The following PPP2R5C variants were observed in gnomAD, a reference collection of about 807,000 sequenced individuals.
PPP2R5C encodes the protein protein phosphatase 2 regulatory subunit B'gamma.
In PPP2R5C, 7 loss-of-function variants were observed where a neutral mutation model predicts 68.9. The observed-to-expected ratio is 0.10, with a 90% CI of 0.06 to 0.19. The LOEUF is 0.19. Ranked by LOEUF, PPP2R5C falls within the 10% of genes least tolerant of loss-of-function variation. The pLI is 1.00. For synonymous variants in PPP2R5C, 210 were observed against 222.2 expected, an observed-to-expected ratio of 0.95 and a Z score of 0.49; for missense variants, 348 against 641.3, an observed-to-expected ratio of 0.54 and a Z score of 4.94.
Position 101,916,626 on chromosome 14 carries a change from T to G in PPP2R5C, c.1327-1205T>G, listed in dbSNP as rs545153329. Reference sequence around the variant, plus strand: ...CCATAGGCCTCATGCCAGAGGTGGCTCCGTCAGAGGATGAGGGCCAACACC... The same window carrying G: ...CCATAGGCCTCATGCCAGAGGTGGCGCCGTCAGAGGATGAGGGCCAACACC... On this transcript the variant is annotated intron_variant, in intron 12 of 13. Transcript: ENST00000334743. This position sits in a 1 kb window ranked among gnomAD's most constrained non-coding sequence, Gnocchi z 5.5. Among the ~76,000 whole-genome samples the G allele has an allele frequency of 6.8e-6, 1 of 146,964 alleles. No individual in the cohort carries two copies. The highest frequency in any genetic ancestry group is 2.5e-5 in the African/African-American group (1 of 39,788).
intron 8 of PPP2R5C, among the ~76,000 whole-genome samples, chr14:101,895,889 C>T (rs2045287095): frequency 6.6e-6 from 1 of 152,156 alleles, no homozygotes; most frequent in Non-Finnish European, 1.5e-5. Flanking sequence ...GGGACAGACC[C>T]CCATACTGTT....
At chr14:101,761,053 GAGGGGA>G, upstream of PPP2R5C, among the ~76,000 whole-genome samples, 6 of 134,428 alleles carry the variant, frequency 4.5e-5, no homozygotes, top group Admixed American at 7.1e-5. Flanking sequence ...GGACGGAGGG[GAGGGGA>G]GTGGAGGGAG....
At chr14:101,794,101 C>T (rs1341317291) in intron 3 of PPP2R5C, among the ~76,000 whole-genome samples, 1 of 152,198 alleles carries the variant, frequency 6.6e-6, no homozygotes, top group Non-Finnish European at 1.5e-5. Context: ...AACAGGAATG[C>T]ATGTTCTCAC....
At chr14:101,827,239 G>A (rs758868543) in intron 1 of PPP2R5C, among the ~76,000 whole-genome samples, 7 of 152,034 alleles carry the variant, frequency 4.6e-5, no homozygotes, top group Non-Finnish European at 8.8e-5. Context: ...ACCTCCCAAA[G>A]TGCTGGGATT....
upstream of PPP2R5C, chr14:101,809,850 CAG>C (rs957874769): frequency 2.0e-6 from 3 of 1,506,480 alleles, no homozygotes; most frequent in African/African-American, 2.8e-5. Flanking sequence ...CCTCCAGCTG[CAG>C]AGAGCTTCAG....
At position 101,885,203 on chromosome 14, in the gene PPP2R5C, C is replaced by T. The variant is rs530709691; in HGVS notation, c.629+1641C>T. On this transcript the variant is annotated intron_variant, in intron 5 of 13. Transcript: ENST00000334743. ...GGCCAGGTGTCAGCCACGCCCAACA[C>T]GGGCCTCGGGGTCCTTTCTTAGTCA... is the stretch of plus-strand genomic sequence containing the variant. 1.1e-4 allele frequency among the ~76,000 whole-genome samples: 16 copies of T among 152,330 alleles called. No individual in the cohort carries two copies. The South Asian group carries it at 1.7e-3, about 16-fold the overall frequency.
At chr14:101,892,307 A>G (rs944970246) in intron 6 of PPP2R5C, among the ~76,000 whole-genome samples, 6 of 149,000 alleles carry the variant, frequency 4.0e-5, no homozygotes, top group African/African-American at 1.5e-4. Context: ...CTCTGTTACC[A>G]ACATTAGAAT....
chr14:101,816,043 C>T (rs2039646290), intron 1 of PPP2R5C, among the ~76,000 whole-genome samples: 1 of 152,214 alleles, frequency 6.6e-6, no homozygotes, highest in Admixed American at 6.5e-5. Flanking sequence ...CTTTATTTTT[C>T]TTTCAATCCT....
rs1047916054 is a variant in PPP2R5C at position 101,917,488 on chromosome 14, C to A, written c.1327-343C>A. ...GAGGGTTCCAGTGGTGAGACAGCTC[C>A]CACCACCGAGCCCAGGGTGCGACCT... is the stretch of plus-strand genomic sequence containing the variant. On this transcript the variant is annotated intron_variant, in intron 12 of 13. Transcript: ENST00000334743. The surrounding 1 kb of genome is among the most constrained non-coding windows in gnomAD (Gnocchi z 4.4). Among the ~76,000 whole-genome samples the A allele has an allele frequency of 6.6e-6, 1 of 152,106 alleles. No individual in the cohort carries two copies. The highest frequency in any genetic ancestry group is 6.5e-5 in the Admixed American group (1 of 15,274).
At position 101,810,142 on chromosome 14, in the gene PPP2R5C, A is replaced by G. The variant is rs2039267359; in HGVS notation, c.94+106A>G. On this transcript the variant is annotated intron_variant, in intron 1 of 13. Coordinates refer to ENST00000334743, the Ensembl canonical transcript of PPP2R5C. ...CAGGAAGTCCTTTCTAGCAGAATTC[A>G]CCCCATTTCGCTGCAGACTTAACCA... The G allele has an allele frequency of 2.8e-6, 3 of 1,056,582 alleles. No homozygotes were observed. In the South Asian group the frequency reaches 4.3e-5, roughly 15 times the overall value. 65.5% of individuals were successfully genotyped at this position (1,056,582 alleles called of 1,614,324 possible).
In PPP2R5C at chr14:101,762,890, C is replaced by G. The variant is rs1260008925; in HGVS notation, c.28-15C>G. 1 of 1,574,482 alleles carries G rather than the reference C, an allele frequency of 6.4e-7. No individual in the cohort carries two copies. Among genetic ancestry groups the G allele is most frequent in the South Asian group, 1.2e-5 (1 of 85,662 alleles). On this transcript the variant is annotated splice_polypyrimidine_tract_variant and intron_variant, in intron 1 of 14. Transcript: ENST00000328724. ...AAAGTGAGAAGACTAATTGACTTTG[C>G]TTGATGTTTACCAGGAATCACCAAA...
Position 101,877,751 on chromosome 14 carries a change from C to T in PPP2R5C, c.295-4410C>T, listed in dbSNP as rs1396065942. Reference sequence around the variant, plus strand: ...GCCCCAGTATTACTTTTTACTTAACCTTTTCTAGAGATATGCACTAAATTA... The same window carrying T: ...GCCCCAGTATTACTTTTTACTTAACTTTTTCTAGAGATATGCACTAAATTA... On this transcript the variant is annotated intron_variant, in intron 2 of 13. Coordinates refer to ENST00000334743, the Ensembl canonical transcript of PPP2R5C. The surrounding 1 kb of genome is among the most constrained non-coding windows in gnomAD (Gnocchi z 4.2). Among the ~76,000 whole-genome samples the T allele has an allele frequency of 6.6e-6, 1 of 152,180 alleles. No individual in the cohort carries two copies. The highest frequency in any genetic ancestry group is 1.5e-5 in the Non-Finnish European group (1 of 68,042).
intron 2 of PPP2R5C, among the ~76,000 whole-genome samples, chr14:101,865,941 G>A (rs1318986901): frequency 3.3e-5 from 5 of 152,072 alleles, no homozygotes; most frequent in Non-Finnish European, 7.4e-5. Flanking sequence ...TTTCTCTGTC[G>A]CCAGGCTGGA....
intron 1 of PPP2R5C, among the ~76,000 whole-genome samples, chr14:101,762,435 G>C (rs2036599552): frequency 6.6e-6 from 1 of 152,006 alleles, no homozygotes. Context: ...ACGCTCTGGG[G>C]CTCTCGAACA....
chr14:101,925,637 A>G (rs1337161370), exon 14 of PPP2R5C: 1 of 166,916 alleles, frequency 6.0e-6, no homozygotes, highest in Non-Finnish European at 1.3e-5. Flanking sequence ...TGATAACATC[A>G]GTGTTTTCCA....
chr14:101,920,388 C>T (rs753854614), intron 13 of PPP2R5C, among the ~76,000 whole-genome samples: 1 of 152,232 alleles, frequency 6.6e-6, no homozygotes, highest in Admixed American at 6.5e-5. Context: ...TGTAAATACA[C>T]ACACAGGCAG....
chr14:101,767,266 G>A (rs1314734186), intron 2 of PPP2R5C, among the ~76,000 whole-genome samples: 1 of 152,208 alleles, frequency 6.6e-6, no homozygotes, highest in African/African-American at 2.4e-5. Context: ...GTCGCCTCAG[G>A]TCGCATAGGT....
At chr14:101,816,480 G>A (rs909490755) in intron 1 of PPP2R5C, among the ~76,000 whole-genome samples, 7 of 152,120 alleles carry the variant, frequency 4.6e-5, no homozygotes, top group South Asian at 2.1e-4. Context: ...AACAGGTACC[G>A]TGAGTGAATC....
intron 1 of PPP2R5C, chr14:101,819,399 G>A (rs2039912334): frequency 3.6e-6 from 1 of 279,566 alleles, no homozygotes; most frequent in African/African-American, 2.1e-5. Context: ...GTTTGCCCTG[G>A]TGGTGCAAAG....
Sources: gnomAD v4.1 joint callset for allele counts (sites outside exome capture counted in the v4.1 genomes callset) on GRCh38, gnomAD v4.1.1 for gene constraint, Gnocchi (gnomAD v3.1) non-coding constraint, MANE v1.5 for transcripts, NCBI Gene and HGNC (gene_info 2026-07-23, HGNC 2026-07-21) for gene names.